Variants in MYH15 observed in about 807,000 individuals in gnomAD.
The protein encoded by MYH15 is myosin-15.
Under a neutral mutation model 240.5 loss-of-function variants are expected in MYH15, and 227 were observed. The ratio of observed to expected loss-of-function variants is 0.94; its 90% CI spans 0.85 to 1.05. The LOEUF is 1.05. MYH15 is among the 50% of genes least tolerant of loss of function. The pLI is 0.00. For synonymous variants in MYH15, 785 were observed against 796.7 expected, an observed-to-expected ratio of 0.99 and a Z score of 0.25; for missense variants, 2,217 against 2,247.5, an observed-to-expected ratio of 0.99 and a Z score of 0.27.
Position 108,505,719 on chromosome 3 carries a change from T to C in MYH15, c.195+4A>G, listed in dbSNP as rs1287790418. 6.9e-6 allele frequency: 11 copies of C among 1,591,856 alleles called. No individual in the cohort carries two copies. Among genetic ancestry groups the C allele is most frequent in the Non-Finnish European group, 9.4e-6 (11 of 1,164,496 alleles). On this transcript the variant is annotated splice_donor_region_variant and intron_variant, in intron 2 of 40. Transcript: ENST00000693548. The stretch of plus-strand genomic sequence containing the variant: ...TCACTGCAATGAAATAAAAATTTCT[T>C]TACCTCTCCATCTGCTGTCTCAACA...
At chr3:108,520,657 T>G (rs1409595838) in intron 1 of MYH15, among the ~76,000 whole-genome samples, 1 of 152,142 alleles carries the variant, frequency 6.6e-6, no homozygotes, top group Non-Finnish European at 1.5e-5. Flanking sequence ...GCTTGCTACA[T>G]AATAGGATTA....
In MYH15 at chr3:108,508,515, C is replaced by T. The variant is rs528502048; in HGVS notation, c.88+1928G>A. On this transcript the variant is annotated intron_variant, in intron 1 of 40. Transcript: ENST00000693548. ...TCGTATTCTCATCTGTAAAGTAGGCCTTTTTCTATATGATTCCATTTTTTA... is the reference window on the plus strand; with the variant it reads ...TCGTATTCTCATCTGTAAAGTAGGCTTTTTTCTATATGATTCCATTTTTTA... Among the ~76,000 whole-genome samples, 25 of 152,250 alleles carry T rather than the reference C, an allele frequency of 1.6e-4. No individual in the cohort carries two copies. The Middle Eastern group carries it at 0.017, about 104-fold the overall frequency.
rs1199619403 is a variant in MYH15 at position 108,381,235 on chromosome 3, AAATATGGAC to A, written c.*301_*309del. The A allele has an allele frequency of 2.4e-6, 1 of 419,096 alleles. No individual in the cohort carries two copies. The highest frequency in any genetic ancestry group is 4.4e-6 in the Non-Finnish European group (1 of 228,588). The allele number at this position is 419,096 out of a possible 1,614,324, so 26.0% of individuals were successfully genotyped here. ...TCTATGAGTCCTACCCATTAAGAGGAAATATGGACAAAGGATCAAGTATTTATTCATTTT... is the reference window on the plus strand; with the variant it reads ...TCTATGAGTCCTACCCATTAAGAGGAAAAGGATCAAGTATTTATTCATTTT... On this transcript the variant is annotated 3_prime_UTR_variant, in exon 41 of 41. Transcript: ENST00000693548.
rs200180023 is a variant in MYH15, at chr3:108,478,478, C to T, written c.1115-1963G>A. Among the ~76,000 whole-genome samples the T allele has an allele frequency of 3.9e-5, 6 of 152,144 alleles. No individual in the cohort carries two copies. In the East Asian group the frequency reaches 1.2e-3, roughly 29 times the overall value. ...TGCCTGCTAACAGTGCCAGGTTTGG[C>T]GGCAAAAGCTTGATAATTTCAAATT... On this transcript the variant is annotated intron_variant, in intron 11 of 40. Transcript: ENST00000693548.
At chr3:108,456,210 G>A (rs2083018256) in intron 19 of MYH15, among the ~76,000 whole-genome samples, 1 of 152,136 alleles carries the variant, frequency 6.6e-6, no homozygotes, top group African/African-American at 2.4e-5. Flanking sequence ...TCTTTTCCAG[G>A]ATTCCTTTAC....
At chr3:108,525,563 G>T (rs917030278) in intron 1 of MYH15, among the ~76,000 whole-genome samples, 2 of 152,056 alleles carry the variant, frequency 1.3e-5, no homozygotes, top group African/African-American at 4.8e-5. Flanking sequence ...ATAAATGAAA[G>T]AATCAATTGG....
At chr3:108,521,078 T>C (rs2083614723) in intron 1 of MYH15, among the ~76,000 whole-genome samples, 1 of 152,054 alleles carries the variant, frequency 6.6e-6, no homozygotes, top group Non-Finnish European at 1.5e-5. Flanking sequence ...AATTATAATA[T>C]ATAATTTTTA....
chr3:108,478,392 T>C (rs972779431), intron 11 of MYH15, among the ~76,000 whole-genome samples: 7 of 152,222 alleles, frequency 4.6e-5, no homozygotes, highest in African/African-American at 1.7e-4. Flanking sequence ...ACACAAAGCC[T>C]ATTTGGAAAA....
rs2082335055 is a variant in MYH15, at chr3:108,380,588, A to C, written c.*957T>G. 6.6e-6 allele frequency: 1 copy of C among 152,254 alleles called. No homozygotes were observed. Among genetic ancestry groups the C allele is most frequent in the South Asian group, 2.1e-4 (1 of 4,818 alleles). 9.4% of individuals were successfully genotyped at this position (152,254 alleles called of 1,614,324 possible). On this transcript the variant is annotated 3_prime_UTR_variant, in exon 41 of 41. Transcript: ENST00000693548. ...CAATGCTGTGTGTGATCTCAGGAAA[A>C]GCTGATGCTGGTTGCCATGGAGCTG... is the stretch of plus-strand genomic sequence containing the variant.
chr3:108,433,343 A>G (rs1216085061), intron 25 of MYH15, among the ~76,000 whole-genome samples: 1 of 152,160 alleles, frequency 6.6e-6, no homozygotes, highest in Non-Finnish European at 1.5e-5. Flanking sequence ...CTTGCTTTTG[A>G]TTTCACAGGC....
intron 17 of MYH15, among the ~76,000 whole-genome samples, chr3:108,459,846 G>A (rs2083056426): frequency 6.6e-6 from 1 of 152,174 alleles, no homozygotes; most frequent in African/African-American, 2.4e-5. Flanking sequence ...GATTTTTAGG[G>A]AGTGAAGAAA....
chr3:108,383,767 C>T, intron 39 of MYH15, 38 bp from the exon 40 acceptor site: 3 of 1,462,092 alleles, frequency 2.1e-6, no homozygotes, highest in Non-Finnish European at 2.7e-6. Flanking sequence ...AATCTCCATG[C>T]CTATATAGTC....
the MYH15 span, among the ~76,000 whole-genome samples, chr3:108,545,138 A>T: frequency 6.6e-6 from 1 of 151,980 alleles, no homozygotes; most frequent in Non-Finnish European, 1.5e-5. Context: ...TTTCAAAAAG[A>T]GATGTTAATT....
intron 31 of MYH15, among the ~76,000 whole-genome samples, chr3:108,409,569 C>G (rs2107547281): frequency 6.6e-6 from 1 of 152,286 alleles, no homozygotes. Context: ...CATCTAGTGC[C>G]TTGATCATAG....
At chr3:108,418,032 C>T (rs2082648804) in intron 28 of MYH15, among the ~76,000 whole-genome samples, 1 of 152,292 alleles carries the variant, frequency 6.6e-6, no homozygotes, top group African/African-American at 2.4e-5. Context: ...CTAAAAGCTC[C>T]TATTTTGTTA....
Position 108,492,964 on chromosome 3 carries a change from G to T in MYH15, c.775+150C>A, listed in dbSNP as rs189011789. 3,304 of 662,358 alleles carry T rather than the reference G, an allele frequency of 5.0e-3. 19 individuals carry two copies. Among genetic ancestry groups the T allele is most frequent in the Non-Finnish European group, 6.7e-3 (2,599 of 386,982 alleles). 41.0% of individuals were successfully genotyped at this position (662,358 alleles called of 1,614,324 possible). ...GACCCTGTCAAGAAAGAAAAGAAAA[G>T]AAGGAAGGAAGGGAGAAAAAGAACG... On this transcript the variant is annotated intron_variant, in intron 8 of 40. Coordinates refer to ENST00000693548, the MANE Select transcript of MYH15 (RefSeq NM_014981.3).
chr3:108,401,227 G>T (rs2082502286), intron 33 of MYH15, among the ~76,000 whole-genome samples: 1 of 152,150 alleles, frequency 6.6e-6, no homozygotes, highest in African/African-American at 2.4e-5. Flanking sequence ...TGGAGATAGG[G>T]CCTTTAAAGA....
intron 30 of MYH15, among the ~76,000 whole-genome samples, chr3:108,413,703 G>C (rs146614482): frequency 1.3e-5 from 2 of 152,108 alleles, no homozygotes; most frequent in African/African-American, 4.8e-5. Context: ...TCTTAGGGGT[G>C]GCCTGGGGAT....
chr3:108,457,740 G>A (rs1448906797), intron 18 of MYH15, among the ~76,000 whole-genome samples: 1 of 152,108 alleles, frequency 6.6e-6, no homozygotes, highest in Non-Finnish European at 1.5e-5. Flanking sequence ...TGATGTATAA[G>A]AAGGCACAAG....
Sources: gnomAD v4.1 joint callset for allele counts (sites outside exome capture counted in the v4.1 genomes callset) on GRCh38, gnomAD v4.1.1 for gene constraint, MANE v1.5 for transcripts, NCBI Gene and HGNC (gene_info 2026-07-23, HGNC 2026-07-21) for gene names.